The following PTGER3 variants were observed in gnomAD, a reference collection of about 807,000 sequenced individuals.
The protein encoded by PTGER3 is prostaglandin E2 receptor EP3 subtype.
In PTGER3, 22 loss-of-function variants were observed where a neutral mutation model predicts 34.7. The ratio of observed to expected loss-of-function variants is 0.63; its 90% CI spans 0.45 to 0.91. The LOEUF (loss-of-function observed/expected upper bound fraction) is 0.91. PTGER3 is among the 40% of genes least tolerant of loss of function. The pLI, the probability that PTGER3 is intolerant of heterozygous loss-of-function variation, is 0.00. For synonymous variants in PTGER3, 241 were observed against 230.1 expected (o/e 1.05, Z -0.43); for missense variants, 468 against 519.4 (o/e 0.90, Z 0.96).
At chr1:71,022,610 A>G (rs1168810145) in intron 1 of PTGER3, among the ~76,000 whole-genome samples, 2 of 151,834 alleles carry the variant, frequency 1.3e-5, no homozygotes, top group Non-Finnish European at 2.9e-5. Context: ...TATATTCAGG[A>G]TGGACACTGG....
At chr1:70,898,850 A>G (rs1015459656) in intron 4 of PTGER3, among the ~76,000 whole-genome samples, 3 of 152,204 alleles carry the variant, frequency 2.0e-5, no homozygotes, top group African/African-American at 7.2e-5. Context: ...AAATCTCAAA[A>G]AAGGAGATAC....
intron 1 of PTGER3, among the ~76,000 whole-genome samples, chr1:71,035,385 A>T (rs1244271552): frequency 6.6e-6 from 1 of 152,178 alleles, no homozygotes; most frequent in Admixed American, 6.5e-5. Context: ...TCTGCTTACC[A>T]TTCCCAGCAC....
At chr1:70,911,600 A>G (rs763404316) in intron 4 of PTGER3, among the ~76,000 whole-genome samples, 1 of 152,150 alleles carries the variant, frequency 6.6e-6, no homozygotes, top group Non-Finnish European at 1.5e-5. Context: ...GTGGGAGAAG[A>G]CAAAAAATGT....
intron 1 of PTGER3, among the ~76,000 whole-genome samples, chr1:71,018,691 C>T (rs1027585801): frequency 6.6e-6 from 1 of 152,030 alleles, no homozygotes; most frequent in African/African-American, 2.4e-5. Flanking sequence ...CAGGAAAATT[C>T]ACAAAATTAC....
chr1:70,955,779 G>T (rs1028316467), intron 2 of PTGER3, among the ~76,000 whole-genome samples: 4 of 152,036 alleles, frequency 2.6e-5, no homozygotes, highest in Non-Finnish European at 5.9e-5. Flanking sequence ...TATATATTTG[G>T]CCCTATTTGA....
intron 2 of PTGER3, among the ~76,000 whole-genome samples, chr1:70,999,655 GA>G: frequency 1.3e-5 from 2 of 152,268 alleles, no homozygotes; most frequent in South Asian, 4.1e-4. Context: ...CTGTAACTAG[GA>G]AGCACAAGTA....
intron 2 of PTGER3, among the ~76,000 whole-genome samples, chr1:70,975,803 A>T (rs1478237909): frequency 6.6e-6 from 1 of 152,188 alleles, no homozygotes; most frequent in Non-Finnish European, 1.5e-5. Flanking sequence ...TCAGACTTGG[A>T]GGAGAAAGGA....
exon 4 of PTGER3, chr1:70,952,788 C>G (rs1650889520): frequency 7.4e-7 from 1 of 1,355,196 alleles, no homozygotes; most frequent in Non-Finnish European, 9.5e-7. Flanking sequence ...AATCTCCCAC[C>G]TTTCCGAGTC....
rs536790819 is a variant in PTGER3 at position 71,036,560 on chromosome 1, G to T, written c.897+10121C>A. ...TAAAAATAAAAAATAAAAGAAAGGG[G>T]CCCGGCACAGTGGCTCACACCTGTA... On this transcript the variant is annotated intron_variant, in intron 1 of 3. Transcript: ENST00000306666. 2.6e-3 allele frequency among the ~76,000 whole-genome samples: 399 copies of T among 151,906 alleles called. 3 individuals carry two copies. The highest frequency in any genetic ancestry group is 8.7e-3 in the African/African-American group (362 of 41,442).
intron 2 of PTGER3, among the ~76,000 whole-genome samples, chr1:70,954,178 A>T (rs1651074493): frequency 6.6e-6 from 1 of 152,172 alleles, no homozygotes; most frequent in Non-Finnish European, 1.5e-5. Context: ...TAAAGGGCTA[A>T]AGCTCCAACT....
chr1:70,883,765 T>G (rs927066716), intron 4 of PTGER3, among the ~76,000 whole-genome samples: 2 of 152,192 alleles, frequency 1.3e-5, no homozygotes, highest in African/African-American at 4.8e-5. Context: ...TTGCTATCAT[T>G]AAACGATCAG....
At chr1:71,006,291 T>C in intron 2 of PTGER3, 1 of 985,448 alleles carries the variant, frequency 1.0e-6, no homozygotes, top group Non-Finnish European at 1.2e-6. Flanking sequence ...GAAAGAGGGA[T>C]ACTTTTAATG....
At chr1:71,035,850 C>T (rs1408768414) in intron 1 of PTGER3, among the ~76,000 whole-genome samples, 1 of 152,224 alleles carries the variant, frequency 6.6e-6, no homozygotes, top group Non-Finnish European at 1.5e-5. Context: ...GACACCTTCA[C>T]ATACTGCTCT....
At chr1:70,953,599 A>G (rs541812182) in intron 3 of PTGER3, among the ~76,000 whole-genome samples, 13 of 152,156 alleles carry the variant, frequency 8.5e-5, no homozygotes, top group Non-Finnish European at 1.9e-4. Flanking sequence ...TGCTGCTACT[A>G]TATATCCTAA....
chr1:70,965,338 A>G (rs1652402800), intron 2 of PTGER3, among the ~76,000 whole-genome samples: 1 of 152,134 alleles, frequency 6.6e-6, no homozygotes, highest in Admixed American at 6.6e-5. Context: ...TGGAAAATGG[A>G]TGGAGGGGCC....
chr1:70,973,525 T>C (rs1335452330), intron 3 of PTGER3, among the ~76,000 whole-genome samples: 2 of 152,142 alleles, frequency 1.3e-5, no homozygotes, highest in Non-Finnish European at 1.5e-5. Context: ...TGAATGTTCA[T>C]ATCAGTTATA....
intron 2 of PTGER3, among the ~76,000 whole-genome samples, chr1:70,999,651 C>T (rs574846211): frequency 2.0e-5 from 3 of 152,266 alleles, no homozygotes; most frequent in South Asian, 2.1e-4. Context: ...TCCTCTGTAA[C>T]TAGGAAGCAC....
At chr1:70,903,151 C>A (rs1646876704) in intron 4 of PTGER3, among the ~76,000 whole-genome samples, 1 of 152,024 alleles carries the variant, frequency 6.6e-6, no homozygotes, top group South Asian at 2.1e-4. Flanking sequence ...GACTACAAGC[C>A]AAGGAACACC....
intron 4 of PTGER3, among the ~76,000 whole-genome samples, chr1:70,918,497 C>A (rs2100429154): frequency 6.6e-6 from 1 of 152,150 alleles, no homozygotes; most frequent in East Asian, 1.9e-4. Context: ...GGAAGCTGTT[C>A]ACTTTTTTCC....
Sources: allele counts gnomAD v4.1 joint callset (sites outside exome capture counted in the v4.1 genomes callset), GRCh38; gene constraint gnomAD v4.1.1; transcripts MANE v1.5; gene names NCBI Gene and HGNC (gene_info 2026-07-23, HGNC 2026-07-21).